PSD3: variants seen among roughly 807,000 people sequenced by gnomAD.
PSD3 encodes the protein PH and SEC7 domain-containing protein 3.
PSD3 carries 49 observed loss-of-function variants against 105.5 expected under a neutral mutation model. That is an observed-to-expected ratio of 0.46 (90% CI 0.37 to 0.59). The LOEUF (loss-of-function observed/expected upper bound fraction) is 0.59. Ranked by LOEUF, PSD3 falls within the 20% of genes least tolerant of loss-of-function variation. The probability of loss-of-function intolerance (pLI) is 0.00; values close to 1 mark genes in which losing one functional copy is unlikely to be tolerated. For missense variants in PSD3, 1,561 were observed against 1,263.8 expected (o/e 1.24, Z -3.57); for synonymous variants, 557 against 457.8 (o/e 1.22, Z -2.77).
chr8:18,785,544 C>T (rs1809057616), intron 8 of PSD3, among the ~76,000 whole-genome samples: 1 of 152,176 alleles, frequency 6.6e-6, no homozygotes. Flanking sequence ...CCAAAACTTG[C>T]TCTGTATCAG....
rs552656570 is a variant in PSD3, at chr8:18,869,086, G to A, written c.1239-1017C>T. Reference sequence around the variant, plus strand: ...CTGAAGGTCACCCATGGGACCAAATGCTTGTTCTTAATGGCTTTCCACTGC... The same window carrying A: ...CTGAAGGTCACCCATGGGACCAAATACTTGTTCTTAATGGCTTTCCACTGC... On this transcript the variant is annotated intron_variant, in intron 3 of 15. Transcript: ENST00000327040. Among the ~76,000 whole-genome samples the A allele has an allele frequency of 1.5e-3, 234 of 151,984 alleles. 2 individuals are homozygous for A. Among genetic ancestry groups the A allele is most frequent in the South Asian group, 7.3e-3 (35 of 4,826 alleles).
At chr8:18,970,523 C>T (rs563124878) in intron 1 of PSD3, among the ~76,000 whole-genome samples, 1 of 152,120 alleles carries the variant, frequency 6.6e-6, no homozygotes, top group South Asian at 2.1e-4. Flanking sequence ...ATAGTTTCAC[C>T]TTTATACAAC....
intron 9 of PSD3, among the ~76,000 whole-genome samples, chr8:18,760,993 C>G (rs7012633): frequency 0.27 from 41,460 of 152,074 alleles, 7,988 homozygotes; most frequent in African/African-American, 0.52. Flanking sequence ...GGGATCTTAG[C>G]AGAATATGAA....
At chr8:18,677,825 A>G (rs537133705) in intron 9 of PSD3, among the ~76,000 whole-genome samples, 11 of 152,210 alleles carry the variant, frequency 7.2e-5, no homozygotes, top group African/African-American at 2.2e-4. Flanking sequence ...CCTGGCTAAC[A>G]CGGTGAAACC....
intron 4 of PSD3, among the ~76,000 whole-genome samples, chr8:18,854,885 G>T (rs1815879308): frequency 6.6e-6 from 1 of 151,970 alleles, no homozygotes; most frequent in Non-Finnish European, 1.5e-5. Context: ...AATATTTATT[G>T]TCCTGTTGGT....
intron 9 of PSD3, among the ~76,000 whole-genome samples, chr8:18,748,214 T>C (rs1251251996): frequency 6.6e-6 from 1 of 152,206 alleles, no homozygotes; most frequent in African/African-American, 2.4e-5. Flanking sequence ...GGCAGTTACA[T>C]CCTTTGTATT....
chr8:18,928,792 TTCTC>T (rs982377768), intron 2 of PSD3, among the ~76,000 whole-genome samples: 12 of 151,038 alleles, frequency 7.9e-5, no homozygotes, highest in East Asian at 5.8e-4. Context: ...TTCTTTCTCT[TTCTC>T]TCTCTCTCTC....
intron 4 of PSD3, among the ~76,000 whole-genome samples, chr8:18,825,643 T>A (rs944041411): frequency 6.6e-5 from 10 of 152,340 alleles, no homozygotes; most frequent in Admixed American, 3.9e-4. Flanking sequence ...GAGGATGATT[T>A]AAGAAATTAT....
At chr8:18,805,863 A>G (rs2129447835) in intron 4 of PSD3, among the ~76,000 whole-genome samples, 1 of 152,352 alleles carries the variant, frequency 6.6e-6, no homozygotes, top group Middle Eastern at 3.4e-3. Context: ...ACAAATTATT[A>G]TCAGCTGTTT....
At chr8:18,600,646 C>T (rs550292187) in intron 11 of PSD3, among the ~76,000 whole-genome samples, 2 of 152,234 alleles carry the variant, frequency 1.3e-5, no homozygotes, top group African/African-American at 4.8e-5. Flanking sequence ...ATGCTCCTAC[C>T]AGGTTGGTGC....
intron 4 of PSD3, among the ~76,000 whole-genome samples, chr8:18,819,355 G>C (rs1812495096): frequency 6.6e-6 from 1 of 152,042 alleles, no homozygotes; most frequent in South Asian, 2.1e-4. Flanking sequence ...TTCAGAACCA[G>C]ATCATGAGCC....
At position 18,755,522 on chromosome 8, in the gene PSD3, G is replaced by A. The variant is rs374113116; in HGVS notation, c.2172+9927C>T. ...AACATACAAACATTCAAACGTCTAT[G>A]GATGCATCTGAATAGGAAATTCTGT... On this transcript the variant is annotated intron_variant, in intron 9 of 15. Coordinates refer to ENST00000327040, the MANE Select transcript of PSD3 (RefSeq NM_015310.4). 4.6e-5 allele frequency among the ~76,000 whole-genome samples: 7 copies of A among 151,226 alleles called. No individual in the cohort carries two copies. The East Asian group carries it at 7.8e-4, about 17-fold the overall frequency.
chr8:18,864,361 C>G (rs1315092018), intron 4 of PSD3, among the ~76,000 whole-genome samples: 2 of 152,134 alleles, frequency 1.3e-5, no homozygotes, highest in East Asian at 3.9e-4. Context: ...CTTTCTTCCC[C>G]CTATAGCTCA....
At chr8:18,851,084 G>T (rs1815528182) in intron 4 of PSD3, among the ~76,000 whole-genome samples, 1 of 152,140 alleles carries the variant, frequency 6.6e-6, no homozygotes, top group Non-Finnish European at 1.5e-5. Flanking sequence ...ATCTCAACAG[G>T]TAAGAGGAAT....
intron 15 of PSD3, among the ~76,000 whole-genome samples, chr8:18,553,943 G>A (rs866326069): frequency 2.0e-5 from 3 of 152,088 alleles, no homozygotes; most frequent in Non-Finnish European, 2.9e-5. Flanking sequence ...GTCCTGGAAC[G>A]CAGTCTGCAA....
At chr8:18,955,475 G>A (rs1421550557) in intron 1 of PSD3, among the ~76,000 whole-genome samples, 2 of 151,922 alleles carry the variant, frequency 1.3e-5, no homozygotes, top group Non-Finnish European at 2.9e-5. Context: ...TTACTTTCTT[G>A]GCTATATAAA....
At chr8:18,917,588 T>C (rs867225050) in intron 2 of PSD3, among the ~76,000 whole-genome samples, 8 of 152,230 alleles carry the variant, frequency 5.3e-5, no homozygotes, top group Admixed American at 1.3e-4. Flanking sequence ...ACACATCCTA[T>C]ATGTTTCGCT....
chr8:18,754,952 C>T (rs1014496403), intron 9 of PSD3, among the ~76,000 whole-genome samples: 7 of 152,088 alleles, frequency 4.6e-5, no homozygotes, highest in African/African-American at 1.7e-4. Context: ...CTTATCCTTG[C>T]ATTGCTGGTC....
intron 6 of PSD3, chr8:18,802,163 T>C (rs925545356): frequency 2.2e-4 from 48 of 214,372 alleles, no homozygotes; most frequent in African/African-American, 9.9e-4. Context: ...TAATTTGTTA[T>C]AGGAGGAGGA....
Sources: gnomAD v4.1 joint callset for allele counts (sites outside exome capture counted in the v4.1 genomes callset) on GRCh38, gnomAD v4.1.1 for gene constraint, MANE v1.5 for transcripts, NCBI Gene and HGNC (gene_info 2026-07-23, HGNC 2026-07-21) for gene names.